The following PFDN1 variants were observed in gnomAD, a reference collection of about 807,000 sequenced individuals.
The protein encoded by PFDN1 is prefoldin subunit 1.
A neutral mutation model predicts 17.3 loss-of-function variants in PFDN1; 6 were observed. That is an observed-to-expected ratio of 0.35 (90% CI 0.19 to 0.69). The LOEUF is 0.69. PFDN1 is among the 30% of genes least tolerant of loss of function. The pLI, the probability that PFDN1 is intolerant of heterozygous loss-of-function variation, is 0.65. For missense variants in PFDN1, 113 were observed against 146.2 expected, an observed-to-expected ratio of 0.77 and a Z score of 1.17; for synonymous variants, 58 against 50.1, an observed-to-expected ratio of 1.16 and a Z score of -0.67.
chr5:140,260,398 T>C (rs1274918187), intron 3 of PFDN1, among the ~76,000 whole-genome samples: 5 of 150,972 alleles, frequency 3.3e-5, no homozygotes, highest in South Asian at 2.1e-4. Context: ...TAAATGTTCA[T>C]AGCAGCATTA....
chr5:140,298,456 C>T (rs558300467), intron 2 of PFDN1, among the ~76,000 whole-genome samples: 1 of 151,966 alleles, frequency 6.6e-6, no homozygotes, highest in African/African-American at 2.4e-5. Flanking sequence ...AAACCCTCCT[C>T]CTGTACCTCC....
intron 3 of PFDN1, among the ~76,000 whole-genome samples, chr5:140,260,669 T>C (rs1434998271): frequency 1.3e-5 from 2 of 150,768 alleles, no homozygotes; most frequent in African/African-American, 4.9e-5. Flanking sequence ...AACAGATTCA[T>C]GGTTGCCAGG....
intron 2 of PFDN1, among the ~76,000 whole-genome samples, chr5:140,299,848 C>T (rs965003445): frequency 3.3e-5 from 5 of 151,844 alleles, no homozygotes; most frequent in African/African-American, 9.7e-5. Context: ...CCCGTCTCTA[C>T]TAAAAACACA....
rs771465686 is a variant in PFDN1, at chr5:140,281,401, TTAC to T, written c.285+45_285+47del. ...TTTCATTTAATATGACACAATAAGA[TTAC>T]TACTTTCTCCCAAAAGTTAACTCCT... On this transcript the variant is annotated intron_variant, in intron 3 of 3. Transcript: ENST00000261813. 3.8e-6 allele frequency: 3 copies of T among 794,276 alleles called. No individual in the cohort carries two copies. In the African/African-American group the frequency reaches 5.1e-5, roughly 13 times the overall value. The allele number at this position is 794,276 out of a possible 1,614,324, so 49.2% of individuals were successfully genotyped here.
chr5:140,245,907 T>G lies in PFDN1; in HGVS notation c.*67A>C. ...CGGGGCAGAGGAGAAGCTGTTTCCCTGCAGACACTCCTCTGCCCCCACCAG... is the reference window on the plus strand; with the variant it reads ...CGGGGCAGAGGAGAAGCTGTTTCCCGGCAGACACTCCTCTGCCCCCACCAG... On this transcript the variant is annotated 3_prime_UTR_variant, in exon 4 of 4. Coordinates refer to ENST00000261813, the MANE Select transcript of PFDN1 (RefSeq NM_002622.5). 2.3e-6 allele frequency: 2 copies of G among 881,986 alleles called. No individual in the cohort carries two copies. The highest frequency in any genetic ancestry group is 3.7e-6 in the Non-Finnish European group (2 of 538,506). The allele number at this position is 881,986 out of a possible 1,614,324, so 54.6% of individuals were successfully genotyped here. A position where few individuals can be genotyped will look rare whatever the true frequency, so the allele number is the denominator to read the frequency against.
chr5:140,300,313 G>A, intron 2 of PFDN1, 103 bp downstream of exon 2: 2 of 814,082 alleles, frequency 2.5e-6, no homozygotes, highest in Non-Finnish European at 4.0e-6. Context: ...ACAGGCATGA[G>A]CCACCACTCC....
At chr5:140,277,763 C>T (rs1765318148) in intron 3 of PFDN1, among the ~76,000 whole-genome samples, 1 of 151,472 alleles carries the variant, frequency 6.6e-6, no homozygotes, top group Non-Finnish European at 1.5e-5. Flanking sequence ...TAAATCGACA[C>T]CTAAACACAT....
At chr5:140,301,594 A>T (rs1486357297) in intron 1 of PFDN1, among the ~76,000 whole-genome samples, 1 of 152,204 alleles carries the variant, frequency 6.6e-6, no homozygotes, top group African/African-American at 2.4e-5. Flanking sequence ...TCTCCACCCA[A>T]AAAAAGGACC....
chr5:140,264,020 C>CAAAAAAAAAAAAAAAAAAAAAAAAAAAA (rs58605224), intron 3 of PFDN1, among the ~76,000 whole-genome samples: 1 of 55,560 alleles, frequency 1.8e-5, no homozygotes, highest in African/African-American at 9.0e-5. Flanking sequence ...GACTCCATCT[C>CAAAAAAAAAAAAAAAAAAAAAAAAAAAA]AAAAAAAAAA....
intron 3 of PFDN1, among the ~76,000 whole-genome samples, chr5:140,274,641 G>A (rs1765262294): frequency 6.6e-6 from 1 of 152,174 alleles, no homozygotes; most frequent in African/African-American, 2.4e-5. Context: ...CCGTGAGTCT[G>A]TTATGAAAAT....
rs1278016648 is a variant in PFDN1 at position 140,245,111 on chromosome 5, A to C, written c.*863T>G. 1 of 222,972 alleles carries C rather than the reference A, an allele frequency of 4.5e-6. No individual in the cohort carries two copies. Among genetic ancestry groups the C allele is most frequent in the African/African-American group, 2.3e-5 (1 of 43,464 alleles). The allele number at this position is 222,972 out of a possible 1,614,324, so 13.8% of individuals were successfully genotyped here. A position where few individuals can be genotyped will look rare whatever the true frequency, so the allele number is the denominator to read the frequency against. ...ATTTATTGTCCTTGTTTTTAACATAATTTGCAAATTTACATAATTATAATG... is the reference window on the plus strand; with the variant it reads ...ATTTATTGTCCTTGTTTTTAACATACTTTGCAAATTTACATAATTATAATG... On this transcript the variant is annotated 3_prime_UTR_variant, in exon 4 of 4. Transcript: ENST00000261813.
intron 2 of PFDN1, among the ~76,000 whole-genome samples, chr5:140,296,779 T>C (rs940905300): frequency 6.6e-6 from 1 of 152,204 alleles, no homozygotes; most frequent in African/African-American, 2.4e-5. Context: ...TAAAACCCAT[T>C]TGACATCTCA....
intron 2 of PFDN1, 122 bp from the exon 3 acceptor site, chr5:140,281,655 TACGTCAAGCTCAGG>T: frequency 1.5e-6 from 1 of 646,548 alleles, no homozygotes; most frequent in Admixed American, 2.8e-5. Flanking sequence ...ATTAACATAA[TACGTCAAGCTCAGG>T]AAACCACCAG....
chr5:140,291,008 T>C (rs557859955), intron 2 of PFDN1, among the ~76,000 whole-genome samples: 5 of 152,306 alleles, frequency 3.3e-5, no homozygotes, highest in African/African-American at 9.6e-5. Flanking sequence ...AAAGGCCTCA[T>C]TGCCTCTTTA....
At chr5:140,269,723 A>C (rs1765179398) in intron 3 of PFDN1, among the ~76,000 whole-genome samples, 1 of 152,226 alleles carries the variant, frequency 6.6e-6, no homozygotes, top group Non-Finnish European at 1.5e-5. Flanking sequence ...TTGCTCCTAA[A>C]ATGGAAACTC....
chr5:140,247,906 G>A (rs1040603578), intron 3 of PFDN1, among the ~76,000 whole-genome samples: 4 of 151,974 alleles, frequency 2.6e-5, no homozygotes, highest in Non-Finnish European at 5.9e-5. Flanking sequence ...CTCCAGCCTG[G>A]GCAACAAGAG....
chr5:140,265,113 C>T (rs1186102985), intron 3 of PFDN1, among the ~76,000 whole-genome samples: 4 of 152,078 alleles, frequency 2.6e-5, no homozygotes, highest in Non-Finnish European at 5.9e-5. Flanking sequence ...TCGGGCATCC[C>T]CTCCCTGCAG....
At chr5:140,264,686 A>G (rs1765112258) in intron 3 of PFDN1, among the ~76,000 whole-genome samples, 1 of 151,522 alleles carries the variant, frequency 6.6e-6, no homozygotes, top group African/African-American at 2.4e-5. Context: ...AAAAAAAAAC[A>G]CAGAATTAAT....
At chr5:140,252,814 C>G (rs532630712) in intron 3 of PFDN1, among the ~76,000 whole-genome samples, 2 of 152,316 alleles carry the variant, frequency 1.3e-5, no homozygotes, top group Admixed American at 6.5e-5. Flanking sequence ...GAAAATGGGA[C>G]AGCATGGCCA....
Sources: allele counts gnomAD v4.1 joint callset (sites outside exome capture counted in the v4.1 genomes callset), GRCh38; gene constraint gnomAD v4.1.1; transcripts MANE v1.5; gene names NCBI Gene and HGNC (gene_info 2026-07-23, HGNC 2026-07-21).